Variants in KCNIP4 observed in about 807,000 individuals in gnomAD.
KCNIP4 encodes the protein Kv channel-interacting protein 4.
In KCNIP4, 12 loss-of-function variants were observed where a neutral mutation model predicts 34.0. The ratio of observed to expected loss-of-function variants is 0.35; its 90% CI spans 0.23 to 0.57. The LOEUF (loss-of-function observed/expected upper bound fraction) is 0.57. Among genes scored for constraint, KCNIP4 ranks in the 20% least tolerant of loss-of-function variants. The pLI, the probability that KCNIP4 is intolerant of heterozygous loss-of-function variation, is 0.83. For synonymous variants in KCNIP4, 124 were observed against 102.2 expected (o/e 1.21, Z -1.29); for missense variants, 238 against 311.7 (o/e 0.76, Z 1.78).
At chr4:21,770,719 T>C (rs1718723825) in intron 1 of KCNIP4, among the ~76,000 whole-genome samples, 1 of 152,198 alleles carries the variant, frequency 6.6e-6, no homozygotes, top group African/African-American at 2.4e-5. Context: ...TGAGCTTCCA[T>C]GTTTGTTGAC....
chr4:21,488,077 G>A (rs781525565), intron 1 of KCNIP4, among the ~76,000 whole-genome samples: 3 of 152,018 alleles, frequency 2.0e-5, no homozygotes, highest in African/African-American at 4.8e-5. Context: ...AATTGACATA[G>A]AAGGAGAATA....
At chr4:21,103,458 C>T (rs920571913) in intron 1 of KCNIP4, among the ~76,000 whole-genome samples, 7 of 148,292 alleles carry the variant, frequency 4.7e-5, no homozygotes, top group African/African-American at 1.2e-4. Flanking sequence ...GAATTATATA[C>T]ATTTATTTTA....
intron 1 of KCNIP4, among the ~76,000 whole-genome samples, chr4:21,527,434 G>T (rs886874727): frequency 6.6e-6 from 1 of 152,144 alleles, no homozygotes; most frequent in Admixed American, 6.5e-5. Flanking sequence ...CAACATAATG[G>T]AAGGGGCATG....
chr4:21,541,244 C>G (rs1290603909), intron 1 of KCNIP4, among the ~76,000 whole-genome samples: 2 of 150,894 alleles, frequency 1.3e-5, no homozygotes, highest in Non-Finnish European at 3.0e-5. Context: ...TAAGACATCT[C>G]TCATCCACTT....
chr4:21,073,608 C>T (rs1414827806), intron 1 of KCNIP4, among the ~76,000 whole-genome samples: 1 of 152,116 alleles, frequency 6.6e-6, no homozygotes, highest in Non-Finnish European at 1.5e-5. Flanking sequence ...TTCCTCTTTT[C>T]CTAATTGAAT....
intron 1 of KCNIP4, among the ~76,000 whole-genome samples, chr4:21,715,144 C>T (rs77521553): frequency 1.3e-5 from 2 of 149,142 alleles, no homozygotes; most frequent in Non-Finnish European, 3.0e-5. Context: ...GCAGTGGCCC[C>T]ATCTGGGCTC....
intron 3 of KCNIP4, among the ~76,000 whole-genome samples, chr4:20,827,322 T>C (rs1382438912): frequency 2.0e-5 from 3 of 152,138 alleles, no homozygotes; most frequent in Admixed American, 6.5e-5. Flanking sequence ...ATGGACGGGA[T>C]TGCTTTTCAC....
intron 1 of KCNIP4, among the ~76,000 whole-genome samples, chr4:20,964,248 G>T (rs902394795): frequency 2.0e-4 from 30 of 152,284 alleles, no homozygotes; most frequent in Non-Finnish European, 3.5e-4. Context: ...TGTGTAAATG[G>T]TGGAACAAGA....
chr4:21,818,068 C>T (rs1041080308), intron 1 of KCNIP4, among the ~76,000 whole-genome samples: 6 of 152,104 alleles, frequency 3.9e-5, no homozygotes, highest in African/African-American at 1.2e-4. Flanking sequence ...CTTTTTGAAA[C>T]CCTTAATAAA....
intron 1 of KCNIP4, among the ~76,000 whole-genome samples, chr4:21,054,119 T>G (rs984906333): frequency 6.6e-6 from 1 of 152,110 alleles, no homozygotes; most frequent in Non-Finnish European, 1.5e-5. Flanking sequence ...GACAAAAGTT[T>G]ATATGGAGAG....
intron 1 of KCNIP4, among the ~76,000 whole-genome samples, chr4:21,230,633 T>C (rs1383925681): frequency 1.3e-5 from 2 of 152,172 alleles, no homozygotes. Context: ...TTTCTGTTCC[T>C]GCATTACTTT....
intron 5 of KCNIP4, among the ~76,000 whole-genome samples, chr4:20,736,218 ACTAG>A (rs1379427649): frequency 2.6e-5 from 4 of 152,298 alleles, no homozygotes; most frequent in Admixed American, 1.3e-4. Context: ...TATTTGTTTT[ACTAG>A]CTAACAGACT....
intron 1 of KCNIP4, among the ~76,000 whole-genome samples, chr4:21,272,843 G>C (rs1394293809): frequency 6.6e-6 from 1 of 152,084 alleles, no homozygotes; most frequent in Non-Finnish European, 1.5e-5. Context: ...GAATTCTAAG[G>C]TTCTCTGATT....
rs1727876388 is a variant in KCNIP4 at position 21,904,386 on chromosome 4, C to G, written c.61+44185G>C. 2.0e-5 allele frequency among the ~76,000 whole-genome samples: 3 copies of G among 152,234 alleles called. 1 individual carries two copies. The highest frequency in any genetic ancestry group is 6.8e-3 in the Middle Eastern group (2 of 294). On this transcript the variant is annotated intron_variant, in intron 1 of 8. Transcript: ENST00000382152. ...TCTAGAAAACAGACACAAAGATATC[C>G]CACAGGAACCACTTACAGTGTATGT...
rs545161643 is a variant in KCNIP4, at chr4:21,667,750, A to G, written c.61+280821T>C. 3.3e-5 allele frequency among the ~76,000 whole-genome samples: 5 copies of G among 152,320 alleles called. No homozygotes were observed. In the East Asian group the frequency reaches 9.6e-4, roughly 29 times the overall value. On this transcript the variant is annotated intron_variant, in intron 1 of 8. Transcript: ENST00000382152. ...TTGCGAATAATGCTTCTACTTACTT[A>G]TTTTTGGGAGAATTAAGCTAAAGCT... is the stretch of plus-strand genomic sequence containing the variant.
intron 1 of KCNIP4, among the ~76,000 whole-genome samples, chr4:20,896,884 A>G (rs1206742664): frequency 6.6e-6 from 1 of 152,140 alleles, no homozygotes; most frequent in Non-Finnish European, 1.5e-5. Flanking sequence ...AGAATCGCCA[A>G]AATGTAAGAC....
intron 3 of KCNIP4, among the ~76,000 whole-genome samples, chr4:20,836,481 A>G (rs981079013): frequency 6.6e-6 from 1 of 152,162 alleles, no homozygotes; most frequent in African/African-American, 2.4e-5. Flanking sequence ...CCATCTGTGG[A>G]TTTATTTTAA....
At chr4:21,046,839 C>T (rs1742468946) in intron 1 of KCNIP4, among the ~76,000 whole-genome samples, 1 of 152,164 alleles carries the variant, frequency 6.6e-6, no homozygotes, top group South Asian at 2.1e-4. Context: ...AATCCACCCG[C>T]CTCCTGGCCT....
intron 3 of KCNIP4, among the ~76,000 whole-genome samples, chr4:20,827,168 G>A (rs761030584): frequency 6.6e-6 from 1 of 152,168 alleles, no homozygotes; most frequent in Non-Finnish European, 1.5e-5. Flanking sequence ...CCATGAATAA[G>A]AAATTCAACT....
Sources: allele counts gnomAD v4.1 joint callset (sites outside exome capture counted in the v4.1 genomes callset), GRCh38; gene constraint gnomAD v4.1.1; transcripts MANE v1.5; gene names NCBI Gene and HGNC (gene_info 2026-07-23, HGNC 2026-07-21).